NTRK2: variants seen among roughly 807,000 people sequenced by gnomAD.
The protein encoded by NTRK2 is BDNF/NT-3 growth factors receptor.
In NTRK2, 13 loss-of-function variants were observed where a neutral mutation model predicts 94.5. That is an observed-to-expected ratio of 0.14 (90% CI 0.09 to 0.22). The LOEUF is 0.22. Among genes scored for constraint, NTRK2 ranks in the 10% least tolerant of loss-of-function variants. The pLI, the probability that NTRK2 is intolerant of heterozygous loss-of-function variation, is 1.00. For missense variants in NTRK2, 639 were observed against 1,071.2 expected (o/e 0.60, Z 5.63); for synonymous variants, 372 against 407.4 (o/e 0.91, Z 1.05).
At position 84,811,312 on chromosome 9, in the gene NTRK2, G is replaced by A. The variant is rs146202786; in HGVS notation, c.1397-49728G>A. The stretch of plus-strand genomic sequence containing the variant: ...AAAACAAAACAAACAAATGAAAAAC[G>A]TTTAAAAAGAAGAAGAAGAAAAAAA... On this transcript the variant is annotated intron_variant, in intron 12 of 18. Coordinates refer to ENST00000277120, the MANE Select transcript of NTRK2 (RefSeq NM_006180.6). The A allele has an allele frequency of 3.4e-4, 359 of 1,065,414 alleles. No homozygotes were observed. In the African/African-American group the frequency reaches 5.1e-3, roughly 15 times the overall value. The allele number at this position is 1,065,414 out of a possible 1,614,324, so 66.0% of individuals were successfully genotyped here.
intron 17 of NTRK2, among the ~76,000 whole-genome samples, chr9:84,992,904 GA>G (rs60802572): frequency 0.65 from 95,067 of 147,050 alleles, 30,547 homozygotes; most frequent in East Asian, 0.71. Flanking sequence ...AAAGAGTTAA[GA>G]AAAAAAAAAT....
At chr9:84,684,227 C>T (rs1027167962) in intron 2 of NTRK2, among the ~76,000 whole-genome samples, 7 of 152,176 alleles carry the variant, frequency 4.6e-5, no homozygotes, top group Middle Eastern at 3.4e-3. Context: ...GTTTGGCTTT[C>T]GTTGCAATTG....
At chr9:84,923,388 C>A (rs944316146) in intron 14 of NTRK2, among the ~76,000 whole-genome samples, 3 of 152,160 alleles carry the variant, frequency 2.0e-5, no homozygotes, top group African/African-American at 7.2e-5. Flanking sequence ...TGATATATTT[C>A]TCTTACCTAT....
At chr9:84,774,456 T>G (rs1485878928) in intron 12 of NTRK2, among the ~76,000 whole-genome samples, 4 of 152,218 alleles carry the variant, frequency 2.6e-5, no homozygotes, top group Non-Finnish European at 4.4e-5. Flanking sequence ...ATTGACCCTT[T>G]CTGCACATAA....
intron 17 of NTRK2, among the ~76,000 whole-genome samples, chr9:84,962,536 T>A (rs909305341): frequency 6.6e-6 from 1 of 152,152 alleles, no homozygotes; most frequent in Non-Finnish European, 1.5e-5. Context: ...CACTAGCCCC[T>A]ATACTTTATA....
intron 9 of NTRK2, among the ~76,000 whole-genome samples, chr9:84,731,061 C>T (rs2062856119): frequency 6.6e-6 from 1 of 152,032 alleles, no homozygotes; most frequent in African/African-American, 2.4e-5. Context: ...CACTGTGAAG[C>T]TAGTTGCATT....
intron 9 of NTRK2, among the ~76,000 whole-genome samples, chr9:84,731,715 G>A (rs1053684824): frequency 6.6e-6 from 1 of 152,092 alleles, no homozygotes; most frequent in Admixed American, 6.6e-5. Flanking sequence ...GGGGAAGTTC[G>A]ACCTCAAGAC....
chr9:84,950,313 G>GC (rs2078735057), intron 16 of NTRK2, among the ~76,000 whole-genome samples: 1 of 152,338 alleles, frequency 6.6e-6, no homozygotes, highest in Non-Finnish European at 1.5e-5. Flanking sequence ...GTGATCTCCT[G>GC]CATCTAGCAA....
chr9:84,975,046 G>A (rs943399712), intron 17 of NTRK2, among the ~76,000 whole-genome samples: 2 of 152,158 alleles, frequency 1.3e-5, no homozygotes, highest in African/African-American at 4.8e-5. Flanking sequence ...GCCCTCGGCG[G>A]CTCTGGGAGC....
At chr9:84,864,808 T>G (rs2075512110) in intron 13 of NTRK2, among the ~76,000 whole-genome samples, 1 of 145,732 alleles carries the variant, frequency 6.9e-6, no homozygotes, top group Non-Finnish European at 1.5e-5. Flanking sequence ...TGGTGTGATC[T>G]CAGCTCACCA....
chr9:84,957,295 A>G (rs1203034470), intron 17 of NTRK2, among the ~76,000 whole-genome samples: 1 of 152,212 alleles, frequency 6.6e-6, no homozygotes, highest in Admixed American at 6.5e-5. Context: ...TACCCAAATC[A>G]ATAGACATAC....
At chr9:84,717,108 G>A (rs1276120706) in intron 6 of NTRK2, among the ~76,000 whole-genome samples, 1 of 152,164 alleles carries the variant, frequency 6.6e-6, no homozygotes, top group African/African-American at 2.4e-5. Flanking sequence ...TTTGTTTTAA[G>A]TTCTGTTATG....
At chr9:84,816,831 T>C (rs1265891800) in intron 12 of NTRK2, among the ~76,000 whole-genome samples, 1 of 150,568 alleles carries the variant, frequency 6.6e-6, no homozygotes, top group Admixed American at 6.6e-5. Context: ...TCAGTGTTAG[T>C]GACTTGTGCT....
intron 11 of NTRK2, among the ~76,000 whole-genome samples, chr9:84,747,261 A>C (rs2132418383): frequency 6.6e-6 from 1 of 152,284 alleles, no homozygotes; most frequent in Non-Finnish European, 1.5e-5. Context: ...GACTATATGC[A>C]TTACATTGAA....
chr9:84,676,813 G>T (rs902566116), intron 2 of NTRK2, among the ~76,000 whole-genome samples: 2 of 152,184 alleles, frequency 1.3e-5, no homozygotes, highest in Non-Finnish European at 2.9e-5. Flanking sequence ...CATAAATGGG[G>T]AGACAAGTTT....
chr9:84,870,021 G>T (rs1242935410), intron 14 of NTRK2, among the ~76,000 whole-genome samples: 1 of 148,806 alleles, frequency 6.7e-6, no homozygotes, highest in Non-Finnish European at 1.5e-5. Flanking sequence ...GTATAGACCT[G>T]ACATGTAGAT....
chr9:84,768,285 T>G (rs2066216180), intron 12 of NTRK2, among the ~76,000 whole-genome samples: 1 of 152,232 alleles, frequency 6.6e-6, no homozygotes, highest in Non-Finnish European at 1.5e-5. Flanking sequence ...GTTCAATCAC[T>G]TTAGCACTGA....
In NTRK2 at chr9:84,872,161, C is replaced by T. The variant is rs986333285; in HGVS notation, c.1633+4730C>T. 4.2e-6 allele frequency: 5 copies of T among 1,197,928 alleles called. No individual in the cohort carries two copies. The African/African-American group carries it at 4.5e-5, about 11-fold the overall frequency. The allele number at this position is 1,197,928 out of a possible 1,614,324, so 74.2% of individuals were successfully genotyped here. On this transcript the variant is annotated intron_variant, in intron 14 of 18. Transcript: ENST00000277120. ...CTCGTTTAGACGTGTCTGAACACCA[C>T]ATCACCTGACAGCACGGGGTGGTTT... is the stretch of plus-strand genomic sequence containing the variant.
At chr9:84,701,148 T>C (rs753335151) in intron 2 of NTRK2, among the ~76,000 whole-genome samples, 2 of 152,262 alleles carry the variant, frequency 1.3e-5, no homozygotes, top group Non-Finnish European at 2.9e-5. Context: ...CTAGGGACTT[T>C]ACTGATTGCA....
Sources: gnomAD v4.1 joint callset for allele counts (sites outside exome capture counted in the v4.1 genomes callset) on GRCh38, gnomAD v4.1.1 for gene constraint, MANE v1.5 for transcripts, NCBI Gene and HGNC (gene_info 2026-07-23, HGNC 2026-07-21) for gene names.